The following PDZRN4 variants were observed in gnomAD, a reference collection of about 807,000 sequenced individuals.
The protein encoded by PDZRN4 is PDZ domain-containing RING finger protein 4.
PDZRN4 carries 70 observed loss-of-function variants against 99.0 expected under a neutral mutation model. The observed-to-expected ratio is 0.71, with a 90% CI of 0.58 to 0.86. The LOEUF is 0.86. Among genes scored for constraint, PDZRN4 ranks in the 40% least tolerant of loss-of-function variants. The pLI, the probability that PDZRN4 is intolerant of heterozygous loss-of-function variation, is 0.00. For missense variants in PDZRN4, 1,474 were observed against 1,331.2 expected (o/e 1.11, Z -1.67); for synonymous variants, 551 against 501.6 (o/e 1.10, Z -1.32).
intron 3 of PDZRN4, among the ~76,000 whole-genome samples, chr12:41,427,866 T>C (rs1290676475): frequency 6.6e-6 from 1 of 152,118 alleles, no homozygotes; most frequent in African/African-American, 2.4e-5. Context: ...GGTGGGCAGA[T>C]CACCTGAGGT....
chr12:41,439,915 G>C (rs1458168), intron 3 of PDZRN4, among the ~76,000 whole-genome samples: 77,445 of 151,978 alleles, frequency 0.51, 20,217 homozygotes, highest in African/African-American at 0.64. Context: ...CTATTTTATT[G>C]AGTTAATGGA....
chr12:41,367,201 G>A (rs547123604), intron 3 of PDZRN4, among the ~76,000 whole-genome samples: 1 of 152,204 alleles, frequency 6.6e-6, no homozygotes, highest in Non-Finnish European at 1.5e-5. Flanking sequence ...TGAAACTTGA[G>A]TTGAATGGTA....
chr12:41,316,456 A>G (rs946799098), intron 3 of PDZRN4, among the ~76,000 whole-genome samples: 4 of 144,532 alleles, frequency 2.8e-5, no homozygotes, highest in South Asian at 2.2e-4. Flanking sequence ...AAAAAGGCAA[A>G]TGTGTGTGTG....
At chr12:41,235,252 G>A (rs999505617) in intron 3 of PDZRN4, among the ~76,000 whole-genome samples, 3 of 151,984 alleles carry the variant, frequency 2.0e-5, no homozygotes, top group Non-Finnish European at 2.9e-5. Flanking sequence ...TCAAGCCCTA[G>A]GACCTTCTCA....
chr12:41,484,520 T>A (rs527414542), intron 3 of PDZRN4, among the ~76,000 whole-genome samples: 14 of 152,296 alleles, frequency 9.2e-5, no homozygotes, highest in Middle Eastern at 6.8e-3. Context: ...AATAGGAGCA[T>A]CCCACCACAA....
At position 41,408,296 on chromosome 12, in the gene PDZRN4, A is replaced by G. The variant is rs565490884; in HGVS notation, c.844-98160A>G. On this transcript the variant is annotated intron_variant, in intron 3 of 9. Coordinates refer to ENST00000402685, the MANE Select transcript of PDZRN4 (RefSeq NM_001164595.2). ...CATTATGAAAAGCTTATTGTTTTTA[A>G]TTTAGAAGTGTTCTGAAACAGAACG... Among the ~76,000 whole-genome samples, 8 of 152,356 alleles carry G rather than the reference A, an allele frequency of 5.3e-5. No homozygotes were observed. The East Asian group carries it at 7.7e-4, about 15-fold the overall frequency.
Position 41,382,172 on chromosome 12 carries a change from C to T in PDZRN4, c.844-124284C>T, listed in dbSNP as rs190734366. 2.2e-3 allele frequency among the ~76,000 whole-genome samples: 341 copies of T among 152,260 alleles called. 1 individual carries two copies. The highest frequency in any genetic ancestry group is 2.0e-3 in the Non-Finnish European group (137 of 68,024). On this transcript the variant is annotated intron_variant, in intron 3 of 9. Transcript: ENST00000402685. ...AGCTTCAGAATGGGTTCCATTATCA[C>T]GCCAAGCTAGCTGGGGCCCCAGGAT... is the stretch of plus-strand genomic sequence containing the variant.
intron 3 of PDZRN4, among the ~76,000 whole-genome samples, chr12:41,205,380 A>G (rs1950841891): frequency 6.6e-6 from 1 of 151,804 alleles, no homozygotes. Context: ...TTCCCTGCGC[A>G]TGGGATAAAA....
intron 3 of PDZRN4, among the ~76,000 whole-genome samples, chr12:41,333,611 C>T (rs938603090): frequency 1.3e-5 from 2 of 152,126 alleles, no homozygotes; most frequent in African/African-American, 4.8e-5. Flanking sequence ...TGCCTTCACT[C>T]CATTCTCCAT....
chr12:41,194,172 A>G lies in PDZRN4; in HGVS notation c.827A>G (p.His276Arg), dbSNP rs1465361238. Residue 276 changes from histidine to arginine, a missense_variant, in exon 3 of 10, where the codon CAT becomes CGT. His to Arg is a conservative substitution (Grantham distance 29, BLOSUM62 0). Transcript: ENST00000402685. ...GACAGAGCAGATGGCCTGGAGATTC[A>G]TGACAAAATCATGGAGGTAAGACAA... is the stretch of plus-strand genomic sequence containing the variant. Reference protein sequence around the residue: ...PADRADGLEIHDKIMEVNGKD... With the variant: ...PADRADGLEIRDKIMEVNGKD... The G allele has an allele frequency of 1.3e-5, 20 of 1,494,096 alleles. No individual in the cohort carries two copies. The highest frequency in any genetic ancestry group is 3.3e-5 in the Admixed American group (2 of 59,758). 92.6% of individuals were successfully genotyped at this position (1,494,096 alleles called of 1,614,324 possible).
At chr12:41,387,134 C>T (rs1166442513) in intron 3 of PDZRN4, among the ~76,000 whole-genome samples, 2 of 152,110 alleles carry the variant, frequency 1.3e-5, no homozygotes, top group African/African-American at 2.4e-5. Context: ...TCTAATTAAA[C>T]TAAAGAGCTT....
At position 41,572,898 on chromosome 12, in the gene PDZRN4, T is replaced by A. The variant is rs369468806; in HGVS notation, c.2119T>A (p.Phe707Ile). 5 of 1,613,842 alleles carry A rather than the reference T, an allele frequency of 3.1e-6. No individual in the cohort carries two copies. In the African/African-American group the frequency reaches 6.7e-5, roughly 22 times the overall value. ...GDIWTLHDGG[F>I]RNYNTSIDMQ... ...CATCTGGACATTGCATGATGGAGGATTCCGGAATTATAACACCAGCATAGA... is the reference window on the plus strand; with the variant it reads ...CATCTGGACATTGCATGATGGAGGAATCCGGAATTATAACACCAGCATAGA... The change falls in exon 10 of 10, where the codon TTC becomes ATC. Residue 707 changes from phenylalanine to isoleucine, a missense_variant. Transcript: ENST00000402685.
At chr12:41,191,310 A>C (rs1424440737) in intron 1 of PDZRN4, 148 bp from the exon 2 acceptor site, 4 of 588,046 alleles carry the variant, frequency 6.8e-6, no homozygotes, top group Non-Finnish European at 1.2e-5. Context: ...GGAAAATGTC[A>C]ACCTTCTGCC....
intron 3 of PDZRN4, among the ~76,000 whole-genome samples, chr12:41,197,926 T>TTTTTG (rs1228030927): frequency 4.3e-5 from 6 of 140,796 alleles, no homozygotes; most frequent in Non-Finnish European, 7.7e-5. Context: ...CTGGGTTTTT[T>TTTTTG]TTTTTGGAGA....
At chr12:41,339,280 C>T (rs750152767) in intron 3 of PDZRN4, among the ~76,000 whole-genome samples, 6 of 152,020 alleles carry the variant, frequency 3.9e-5, no homozygotes, top group East Asian at 1.9e-4. Context: ...CATCCATTTA[C>T]AGTGAACTCA....
At chr12:41,570,084 G>A (rs1194357931) in intron 9 of PDZRN4, among the ~76,000 whole-genome samples, 2 of 152,126 alleles carry the variant, frequency 1.3e-5, no homozygotes, top group East Asian at 3.9e-4. Context: ...AGTGACAACG[G>A]TGTCAAACGC....
intron 3 of PDZRN4, among the ~76,000 whole-genome samples, chr12:41,211,284 C>T (rs1245116063): frequency 3.3e-5 from 5 of 151,978 alleles, no homozygotes; most frequent in Admixed American, 3.3e-4. Context: ...TTTTAATTTT[C>T]AGAAGCCAAC....
rs756004928 is a variant in PDZRN4, at chr12:41,188,740, C to T, written c.285C>T (p.His95=). 12 of 1,540,278 alleles carry T rather than the reference C, an allele frequency of 7.8e-6. No individual in the cohort carries two copies. Among genetic ancestry groups the T allele is most frequent in the Non-Finnish European group, 1.0e-5 (12 of 1,154,234 alleles). Residue 95 remains histidine (H), a synonymous_variant, in exon 1 of 10, where the codon CAC becomes CAT. Transcript: ENST00000402685. The part of the protein sequence containing the change: ...ARGCGHSVRL[H]ELEAHVEHCD... ...GCTGCGGCCACTCGGTCAGGCTGCACGAGCTGGAGGCGCACGTCGAGCACT... is the reference window on the plus strand; with the variant it reads ...GCTGCGGCCACTCGGTCAGGCTGCATGAGCTGGAGGCGCACGTCGAGCACT...
intron 5 of PDZRN4, among the ~76,000 whole-genome samples, chr12:41,546,046 G>A (rs1938945252): frequency 1.3e-5 from 2 of 152,200 alleles, no homozygotes; most frequent in Non-Finnish European, 2.9e-5. Flanking sequence ...CCTTTAGCAT[G>A]TGAAACAGCA....
Sources: gnomAD v4.1 joint callset for allele counts (sites outside exome capture counted in the v4.1 genomes callset) on GRCh38, gnomAD v4.1.1 for gene constraint, MANE v1.5 for transcripts, NCBI Gene and HGNC (gene_info 2026-07-23, HGNC 2026-07-21) for gene names.